TRDN: variants seen among roughly 807,000 people sequenced by gnomAD.
TRDN encodes triadin in skeletal muscle.
TRDN carries 161 observed loss-of-function variants against 149.7 expected under a neutral mutation model. The observed-to-expected ratio is 1.08, with a 90% CI of 0.95 to 1.23. TRDN has a LOEUF of 1.23. TRDN is among the 50% of genes most tolerant of loss of function. The pLI is 0.00. For synonymous variants in TRDN, 294 were observed against 250.5 expected (o/e 1.17, Z -1.64); for missense variants, 896 against 823.5 (o/e 1.09, Z -1.08).
intron 2 of TRDN, among the ~76,000 whole-genome samples, chr6:123,554,475 C>CT (rs1781549795): frequency 6.6e-6 from 1 of 151,996 alleles, no homozygotes; most frequent in Admixed American, 6.6e-5. Flanking sequence ...GTTTTTCTCC[C>CT]TTTCTGTAAA....
chr6:123,538,104 C>A (rs1420489527), intron 4 of TRDN, among the ~76,000 whole-genome samples: 2 of 152,128 alleles, frequency 1.3e-5, no homozygotes, highest in East Asian at 1.9e-4. Context: ...GATGACAATT[C>A]TCTTTATTAA....
chr6:123,287,698 T>C (rs1777850652), intron 24 of TRDN, among the ~76,000 whole-genome samples: 2 of 152,076 alleles, frequency 1.3e-5, no homozygotes. Flanking sequence ...TCAATCCCAA[T>C]GACAGTAATA....
chr6:123,456,749 A>C, intron 10 of TRDN: 1 of 454,336 alleles, frequency 2.2e-6, no homozygotes, highest in Admixed American at 2.4e-5. Context: ...GGATTACAGC[A>C]TTCCTTATCC....
chr6:123,464,861 A>G (rs1776692298), intron 10 of TRDN, 45 bp downstream of exon 10: 1 of 1,547,224 alleles, frequency 6.5e-7, no homozygotes. Context: ...TCTACATTCT[A>G]TTTTATCTAC....
intron 1 of TRDN, among the ~76,000 whole-genome samples, chr6:123,605,350 T>C (rs532686011): frequency 1.9e-4 from 28 of 150,790 alleles, no homozygotes; most frequent in African/African-American, 5.3e-4. Flanking sequence ...TTTCTAGGGC[T>C]AGGCAAAACT....
At chr6:123,387,855 G>A (rs1170422134) in intron 14 of TRDN, among the ~76,000 whole-genome samples, 1 of 152,022 alleles carries the variant, frequency 6.6e-6, no homozygotes, top group Non-Finnish European at 1.5e-5. Context: ...AGGACTAAAT[G>A]TCAGGGGAAA....
At chr6:123,246,680 C>G (rs1160905586) in intron 38 of TRDN, among the ~76,000 whole-genome samples, 4 of 151,920 alleles carry the variant, frequency 2.6e-5, no homozygotes, top group Non-Finnish European at 5.9e-5. Flanking sequence ...TAGTACCATA[C>G]CTTCTGAAAC....
intron 23 of TRDN, 41 bp from the exon 24 acceptor site, chr6:123,316,536 GA>G: frequency 5.1e-6 from 8 of 1,580,198 alleles, no homozygotes; most frequent in Admixed American, 1.8e-5. Flanking sequence ...AAACAAAAGG[GA>G]AAAAAATAAC....
At chr6:123,600,710 G>T (rs930325992) in intron 1 of TRDN, among the ~76,000 whole-genome samples, 3 of 152,060 alleles carry the variant, frequency 2.0e-5, no homozygotes, top group African/African-American at 7.2e-5. Flanking sequence ...TGGTTATACA[G>T]CAGTTGGAGA....
intron 1 of TRDN, among the ~76,000 whole-genome samples, chr6:123,595,773 G>A (rs1186700863): frequency 6.6e-6 from 1 of 152,022 alleles, no homozygotes; most frequent in Non-Finnish European, 1.5e-5. Flanking sequence ...ATTGTTTACA[G>A]GCTCCATGAA....
intron 19 of TRDN, among the ~76,000 whole-genome samples, chr6:123,369,648 G>C (rs1781245986): frequency 6.6e-6 from 1 of 152,124 alleles, no homozygotes; most frequent in Non-Finnish European, 1.5e-5. Context: ...GTAAGCTGCT[G>C]TTGAGAAATT....
chr6:123,387,454 A>C (rs552126598), intron 14 of TRDN, among the ~76,000 whole-genome samples: 1 of 152,030 alleles, frequency 6.6e-6, no homozygotes, highest in Non-Finnish European at 1.5e-5. Context: ...ACTATTATTA[A>C]TGTCTGGTTT....
At chr6:123,289,537 C>T (rs1777924160) in intron 24 of TRDN, among the ~76,000 whole-genome samples, 1 of 152,074 alleles carries the variant, frequency 6.6e-6, no homozygotes, top group Non-Finnish European at 1.5e-5. Flanking sequence ...AAGCAGCTTT[C>T]AATCAGACAC....
chr6:123,456,496 C>T (rs750404284), intron 10 of TRDN, among the ~76,000 whole-genome samples: 2 of 151,186 alleles, frequency 1.3e-5, no homozygotes, highest in Non-Finnish European at 2.9e-5. Flanking sequence ...TGAGACAGGG[C>T]CTCACTTTGT....
At chr6:123,272,329 G>T (rs1777231506) in intron 29 of TRDN, among the ~76,000 whole-genome samples, 1 of 151,594 alleles carries the variant, frequency 6.6e-6, no homozygotes, top group African/African-American at 2.4e-5. Flanking sequence ...TCAGGGCTTG[G>T]GTAGCCTCAA....
intron 12 of TRDN, among the ~76,000 whole-genome samples, chr6:123,406,205 A>T (rs1484611301): frequency 6.6e-6 from 1 of 152,188 alleles, no homozygotes; most frequent in Non-Finnish European, 1.5e-5. Context: ...TCTGAATGTT[A>T]TTTTCAACAA....
At chr6:123,592,001 G>A (rs1163841207) in intron 1 of TRDN, among the ~76,000 whole-genome samples, 1 of 152,094 alleles carries the variant, frequency 6.6e-6, no homozygotes, top group East Asian at 1.9e-4. Flanking sequence ...AACTGAAAAA[G>A]AAGAGTTAAA....
chr6:123,570,599 G>T (rs1248512097), intron 2 of TRDN, among the ~76,000 whole-genome samples: 2 of 152,052 alleles, frequency 1.3e-5, no homozygotes, highest in Non-Finnish European at 2.9e-5. Flanking sequence ...CCTTATTAAT[G>T]CTTGATAAAG....
Position 123,223,303 on chromosome 6 carries a change from G to A in TRDN, c.2014+790C>T, listed in dbSNP as rs752792629. Among the ~76,000 whole-genome samples, 7 of 151,788 alleles carry A rather than the reference G, an allele frequency of 4.6e-5. No homozygotes were observed. The East Asian group carries it at 7.8e-4, about 17-fold the overall frequency. On this transcript the variant is annotated intron_variant, in intron 39 of 40. Transcript: ENST00000334268. Reference sequence around the variant, plus strand: ...GCCTACCCAACGGTTGAGAGTGGAAGGAGAAAGAGGATCAGAAAAAATAAC... The same window carrying A: ...GCCTACCCAACGGTTGAGAGTGGAAAGAGAAAGAGGATCAGAAAAAATAAC...
Sources: gnomAD v4.1 joint callset for allele counts (sites outside exome capture counted in the v4.1 genomes callset) on GRCh38, gnomAD v4.1.1 for gene constraint, MANE v1.5 for transcripts, NCBI Gene and HGNC (gene_info 2026-07-23, HGNC 2026-07-21) for gene names.